Variants in SRD5A2 observed in about 807,000 individuals in gnomAD.
SRD5A2 encodes steroid 5 alpha-reductase 2.
Under a neutral mutation model 27.4 loss-of-function variants are expected in SRD5A2, and 30 were observed. The observed-to-expected ratio is 1.10, with a 90% CI of 0.82 to 1.49. The LOEUF (loss-of-function observed/expected upper bound fraction) is 1.49, where lower values mean the gene tolerates loss of function less well. Among genes scored for constraint, SRD5A2 ranks in the 40% most tolerant of loss-of-function variants. SRD5A2 has a pLI of 0.00. For synonymous variants in SRD5A2, 141 were observed against 133.6 expected (o/e 1.06, Z -0.38); for missense variants, 348 against 323.4 (o/e 1.08, Z -0.58).
At chr2:31,579,139 A>T (rs2148105477) in intron 1 of SRD5A2, among the ~76,000 whole-genome samples, 1 of 152,372 alleles carries the variant, frequency 6.6e-6, no homozygotes, top group East Asian at 1.9e-4. Context: ...GCAGGCTTTT[A>T]GTAAATATTT....
the SRD5A2 span, among the ~76,000 whole-genome samples, chr2:31,650,084 C>T: frequency 1.3e-5 from 2 of 152,014 alleles, no homozygotes; most frequent in Non-Finnish European, 2.9e-5. Flanking sequence ...CATCATTGAA[C>T]ATTGTTATTC....
chr2:31,640,778 A>AGTCCT, the SRD5A2 span, among the ~76,000 whole-genome samples: 1 of 152,068 alleles, frequency 6.6e-6, no homozygotes, highest in Non-Finnish European at 1.5e-5. Flanking sequence ...TGGGGATGGT[A>AGTCCT]GTCCTACCTA....
the SRD5A2 span, among the ~76,000 whole-genome samples, chr2:31,602,810 T>A: frequency 4.6e-5 from 7 of 151,646 alleles, no homozygotes; most frequent in African/African-American, 1.5e-4. Context: ...AAAACAGCAA[T>A]GGGAATAGGA....
At chr2:31,538,098 G>T (rs1666062099) in intron 1 of SRD5A2, among the ~76,000 whole-genome samples, 1 of 152,160 alleles carries the variant, frequency 6.6e-6, no homozygotes, top group South Asian at 2.1e-4. Context: ...CTCCAGACAG[G>T]ATATCTGCAG....
At chr2:31,568,525 C>A (rs889729596) in intron 1 of SRD5A2, among the ~76,000 whole-genome samples, 1 of 152,066 alleles carries the variant, frequency 6.6e-6, no homozygotes, top group Admixed American at 6.5e-5. Context: ...GAAGGAAGGG[C>A]GTGCTGATTG....
the SRD5A2 span, among the ~76,000 whole-genome samples, chr2:31,599,876 G>C: frequency 6.6e-6 from 1 of 151,874 alleles, no homozygotes; most frequent in Non-Finnish European, 1.5e-5. Flanking sequence ...GAGCAGGTTT[G>C]TTACGTAGGT....
the SRD5A2 span, among the ~76,000 whole-genome samples, chr2:31,629,455 T>C: frequency 6.6e-6 from 1 of 152,102 alleles, no homozygotes; most frequent in Non-Finnish European, 1.5e-5. Context: ...GTCCTATCCT[T>C]CCTTAGAATT....
chr2:31,625,888 T>C, the SRD5A2 span, among the ~76,000 whole-genome samples: 2 of 152,234 alleles, frequency 1.3e-5, no homozygotes, highest in Non-Finnish European at 2.9e-5. Flanking sequence ...TTTTTTCCAA[T>C]TCTGTGAAGA....
the SRD5A2 span, among the ~76,000 whole-genome samples, chr2:31,592,918 T>A: frequency 1.3e-5 from 2 of 152,312 alleles, no homozygotes; most frequent in African/African-American, 4.8e-5. Context: ...TGAAAACCAA[T>A]TTAATGCAGC....
At chr2:31,529,177 A>G in intron 4 of SRD5A2, 130 bp downstream of exon 4, 1 of 1,309,234 alleles carries the variant, frequency 7.6e-7, no homozygotes, top group South Asian at 1.5e-5. Flanking sequence ...ATGCTAACCC[A>G]GATTATAGTA....
the SRD5A2 span, among the ~76,000 whole-genome samples, chr2:31,611,305 C>T: frequency 1.3e-5 from 2 of 151,878 alleles, no homozygotes; most frequent in Non-Finnish European, 2.9e-5. Context: ...TATTTTAAGC[C>T]AAAAAATTTG....
intron 1 of SRD5A2, among the ~76,000 whole-genome samples, chr2:31,571,633 C>T (rs1455260966): frequency 6.6e-6 from 1 of 152,162 alleles, no homozygotes; most frequent in Non-Finnish European, 1.5e-5. Flanking sequence ...TGACAAAGGT[C>T]TAATATCCAG....
At chr2:31,592,479 C>T in the SRD5A2 span, among the ~76,000 whole-genome samples, 1 of 152,238 alleles carries the variant, frequency 6.6e-6, no homozygotes, top group Non-Finnish European at 1.5e-5. Context: ...CCAGAGCAGA[C>T]ACTGGCATTC....
the SRD5A2 span, among the ~76,000 whole-genome samples, chr2:31,638,685 T>C: frequency 6.6e-6 from 1 of 152,070 alleles, no homozygotes; most frequent in Non-Finnish European, 1.5e-5. Context: ...GACTTTTTTG[T>C]CTTTTTTTAT....
chr2:31,589,955 G>A, the SRD5A2 span, among the ~76,000 whole-genome samples: 1 of 152,082 alleles, frequency 6.6e-6, no homozygotes, highest in African/African-American at 2.4e-5. Flanking sequence ...TGGCCTTGCT[G>A]GCTGCATGAG....
chr2:31,571,753 A>G (rs1168175093), intron 1 of SRD5A2, among the ~76,000 whole-genome samples: 1 of 152,238 alleles, frequency 6.6e-6, no homozygotes, highest in Non-Finnish European at 1.5e-5. Context: ...TGTGGCCAAC[A>G]AGGATATGAA....
the SRD5A2 span, among the ~76,000 whole-genome samples, chr2:31,637,093 T>C: frequency 2.6e-5 from 4 of 152,256 alleles, no homozygotes; most frequent in South Asian, 8.3e-4. Flanking sequence ...AGTGAAGCCA[T>C]CTGGTCCTGG....
At chr2:31,661,634 G>C in the SRD5A2 span, among the ~76,000 whole-genome samples, 339 of 152,262 alleles carry the variant, frequency 2.2e-3, 2 homozygotes, top group South Asian at 4.4e-3. Flanking sequence ...TTCAGCAGTT[G>C]ACTCTTACGT....
At chr2:31,626,651 A>G in the SRD5A2 span, among the ~76,000 whole-genome samples, 1 of 152,024 alleles carries the variant, frequency 6.6e-6, no homozygotes, top group Non-Finnish European at 1.5e-5. Flanking sequence ...TATATGATGG[A>G]TTACATTTAT....
Sources: gnomAD v4.1 joint callset for allele counts (sites outside exome capture counted in the v4.1 genomes callset) on GRCh38, gnomAD v4.1.1 for gene constraint, MANE v1.5 for transcripts, NCBI Gene and HGNC (gene_info 2026-07-23, HGNC 2026-07-21) for gene names.